The following ALK variants were observed in gnomAD, a reference collection of about 807,000 sequenced individuals.
ALK encodes the protein ALK receptor tyrosine kinase.
A neutral mutation model predicts 163.1 loss-of-function variants in ALK; 74 were observed. The ratio of observed to expected loss-of-function variants is 0.45; its 90% confidence interval spans 0.38 to 0.55. The LOEUF (loss-of-function observed/expected upper bound fraction) is 0.55, where lower values mean the gene tolerates loss of function less well. Among genes scored for constraint, ALK ranks in the 20% least tolerant of loss-of-function variants. ALK has a pLI of 0.00. For missense variants in ALK, 2,063 were observed against 2,105.3 expected (o/e 0.98, Z 0.39); for synonymous variants, 960 against 843.2 (o/e 1.14, Z -2.40).
At chr2:29,414,822 G>A (rs76521269) in intron 4 of ALK, among the ~76,000 whole-genome samples, 4,215 of 152,232 alleles carry the variant, frequency 0.028, 198 homozygotes, top group African/African-American at 0.094. Flanking sequence ...GACAATGTTT[G>A]TGAGACTTGT....
intron 4 of ALK, among the ~76,000 whole-genome samples, chr2:29,438,658 T>TTCAG (rs1670462120): frequency 1.3e-5 from 2 of 152,220 alleles, no homozygotes; most frequent in Non-Finnish European, 1.5e-5. Context: ...AGATCCCACC[T>TTCAG]GACCTTCAGA....
At chr2:29,475,627 C>T (rs1299192376) in intron 4 of ALK, among the ~76,000 whole-genome samples, 2 of 152,308 alleles carry the variant, frequency 1.3e-5, no homozygotes, top group Non-Finnish European at 2.9e-5. Context: ...AGTGGCTAAG[C>T]CCCTGCTAGC....
At chr2:29,297,168 C>T (rs1261102496) in intron 8 of ALK, 111 bp from the exon 9 acceptor site, 2 of 1,302,700 alleles carry the variant, frequency 1.5e-6, no homozygotes, top group Non-Finnish European at 2.2e-6. Flanking sequence ...CTGAGTTCAG[C>T]CTGGTGAGAA....
At chr2:29,880,943 C>A (rs1027859316) in intron 1 of ALK, among the ~76,000 whole-genome samples, 17 of 152,140 alleles carry the variant, frequency 1.1e-4, no homozygotes, top group African/African-American at 4.1e-4. Flanking sequence ...CCAGAGTTAA[C>A]TTTTTAGTAG....
chr2:29,234,651 C>G (rs76590213), intron 13 of ALK, among the ~76,000 whole-genome samples: 9,520 of 152,120 alleles, frequency 0.063, 360 homozygotes, highest in Non-Finnish European at 0.089. Flanking sequence ...AGTGTGGCTG[C>G]GAATGAAGAC....
chr2:29,517,427 T>A (rs1002450018), intron 4 of ALK, among the ~76,000 whole-genome samples: 1 of 152,194 alleles, frequency 6.6e-6, no homozygotes, highest in African/African-American at 2.4e-5. Context: ...TGGGGCACTG[T>A]GCTAAGAGCT....
chr2:29,737,540 A>G (rs1573595435), intron 1 of ALK, among the ~76,000 whole-genome samples: 1 of 152,122 alleles, frequency 6.6e-6, no homozygotes, highest in Non-Finnish European at 1.5e-5. Flanking sequence ...CACGAGAAGC[A>G]AAATCTCTTG....
At chr2:29,624,670 C>T (rs749893096) in intron 3 of ALK, among the ~76,000 whole-genome samples, 26 of 152,146 alleles carry the variant, frequency 1.7e-4, no homozygotes, top group Non-Finnish European at 3.5e-4. Flanking sequence ...ATGGGATGAT[C>T]CGTGCAGCAA....
intron 11 of ALK, among the ~76,000 whole-genome samples, chr2:29,273,802 G>A (rs903801423): frequency 6.6e-6 from 1 of 152,194 alleles, no homozygotes; most frequent in Non-Finnish European, 1.5e-5. Context: ...TTATAACAGG[G>A]AGGTGGTAGT....
At chr2:29,413,538 A>G (rs1669784545) in intron 4 of ALK, among the ~76,000 whole-genome samples, 3 of 148,446 alleles carry the variant, frequency 2.0e-5, no homozygotes, top group African/African-American at 7.5e-5. Flanking sequence ...TTGTTTATTT[A>G]TTTATTTTTT....
Position 29,266,905 on chromosome 2 carries a change from G to A in ALK, c.2041+8194C>T, listed in dbSNP as rs138969772. ...CTCCAGCATGGAGAAGCCACTACAGGCAGGCTCTAAGATGGCCTCAGTGGT... is the reference window on the plus strand; with the variant it reads ...CTCCAGCATGGAGAAGCCACTACAGACAGGCTCTAAGATGGCCTCAGTGGT... On this transcript the variant is annotated intron_variant, in intron 11 of 28. Transcript: ENST00000389048. Among the ~76,000 whole-genome samples the A allele has an allele frequency of 5.3e-3, 811 of 152,324 alleles. 7 individuals carry two copies. Among genetic ancestry groups the A allele is most frequent in the African/African-American group, 0.018 (767 of 41,578 alleles).
At chr2:29,195,499 G>C (rs1472047470) in intron 28 of ALK, among the ~76,000 whole-genome samples, 1 of 152,162 alleles carries the variant, frequency 6.6e-6, no homozygotes, top group Non-Finnish European at 1.5e-5. Flanking sequence ...TTGGGAGGCC[G>C]AGGCGGGTGG....
intron 3 of ALK, among the ~76,000 whole-genome samples, chr2:29,641,117 C>G (rs1452105754): frequency 6.6e-6 from 1 of 151,932 alleles, no homozygotes; most frequent in Non-Finnish European, 1.5e-5. Flanking sequence ...TCATTAAGGG[C>G]CTGGAAAGCT....
chr2:29,340,164 C>A (rs1667748122), intron 5 of ALK, among the ~76,000 whole-genome samples: 1 of 152,210 alleles, frequency 6.6e-6, no homozygotes, highest in Non-Finnish European at 1.5e-5. Flanking sequence ...TTGCATGTAA[C>A]CATTCTGCAC....
intron 1 of ALK, among the ~76,000 whole-genome samples, chr2:29,858,859 T>C (rs1335516016): frequency 6.6e-6 from 1 of 151,808 alleles, no homozygotes; most frequent in Non-Finnish European, 1.5e-5. Flanking sequence ...GCCAACATGG[T>C]GAAACCTGGT....
In ALK at chr2:29,449,034, C is replaced by T. The variant is rs114012867; in HGVS notation, c.1155-65175G>A. On this transcript the variant is annotated intron_variant, in intron 4 of 28. Coordinates refer to ENST00000389048, the MANE Select transcript of ALK (RefSeq NM_004304.5). Reference sequence around the variant, plus strand: ...ATCCACTGCTTGATTCTCATTTCATCCAGTATTGCACAAAGGCCATAAACA... The same window carrying T: ...ATCCACTGCTTGATTCTCATTTCATTCAGTATTGCACAAAGGCCATAAACA... 4.1e-3 allele frequency among the ~76,000 whole-genome samples: 622 copies of T among 152,288 alleles called. 4 individuals carry two copies. Among genetic ancestry groups the T allele is most frequent in the African/African-American group, 0.014 (596 of 41,560 alleles).
At chr2:29,455,859 C>A (rs191662862) in intron 4 of ALK, among the ~76,000 whole-genome samples, 2 of 152,154 alleles carry the variant, frequency 1.3e-5, no homozygotes, top group Non-Finnish European at 2.9e-5. Context: ...CTGACACAAC[C>A]AGGCTCTTCT....
At chr2:29,299,132 A>T (rs1414240579) in intron 8 of ALK, among the ~76,000 whole-genome samples, 1 of 152,148 alleles carries the variant, frequency 6.6e-6, no homozygotes, top group Non-Finnish European at 1.5e-5. Flanking sequence ...TAATCTCCTC[A>T]TTACTCTAGC....
intron 4 of ALK, among the ~76,000 whole-genome samples, chr2:29,425,571 C>T (rs916959978): frequency 1.3e-5 from 2 of 152,138 alleles, no homozygotes; most frequent in Admixed American, 1.3e-4. Context: ...TTCTAAGCTG[C>T]AAGAGACATG....
Sources: allele counts gnomAD v4.1 joint callset (sites outside exome capture counted in the v4.1 genomes callset), GRCh38; gene constraint gnomAD v4.1.1; transcripts MANE v1.5; gene names NCBI Gene and HGNC (gene_info 2026-07-23, HGNC 2026-07-21).